IL5RA: variants seen among roughly 807,000 people sequenced by gnomAD.
IL5RA encodes interleukin 5 receptor subunit alpha, also known as interleukin-5 receptor subunit alpha.
Under a neutral mutation model 50.0 loss-of-function variants are expected in IL5RA, and 49 were observed. That is an observed-to-expected ratio of 0.98 (90% CI 0.78 to 1.24). The LOEUF (loss-of-function observed/expected upper bound fraction) is 1.24, where lower values mean the gene tolerates loss of function less well. Ranked by LOEUF, IL5RA falls within the 50% of genes most tolerant of loss-of-function variation. IL5RA has a pLI of 0.00. For synonymous variants in IL5RA, 202 were observed against 174.0 expected (o/e 1.16, Z -1.26); for missense variants, 600 against 500.4 (o/e 1.20, Z -1.90).
Position 3,102,713 on chromosome 3 carries a change from C to T in IL5RA, c.190G>A (p.Glu64Lys), listed in dbSNP as rs1268530280. ...GGAGCGTTTATTTTCACTTGATATT[C>T]TAGATTAACATTCCTTTGCTCTTGA... is the stretch of plus-strand genomic sequence containing the variant. ...PDQEQRNVNLEYQVKINAPKE... is the reference protein window; with the variant it reads ...PDQEQRNVNLKYQVKINAPKE... The change falls in exon 4 of 12, where the codon GAA (glutamate) becomes AAA (lysine). Residue 64 changes from glutamate (E) to lysine (K), a missense_variant. By Grantham distance (56) the Glu-to-Lys change is moderately conservative. Transcript: ENST00000446632. 5.0e-6 allele frequency: 8 copies of T among 1,606,620 alleles called. No homozygotes were observed. Among genetic ancestry groups the T allele is most frequent in the Non-Finnish European group, 6.0e-6 (7 of 1,175,304 alleles).
At chr3:3,097,375 G>C (rs1575001777) in intron 7 of IL5RA, among the ~76,000 whole-genome samples, 1 of 152,068 alleles carries the variant, frequency 6.6e-6, no homozygotes, top group Non-Finnish European at 1.5e-5. Context: ...CTATTCTATA[G>C]GGAAGGGACT....
intron 11 of IL5RA, among the ~76,000 whole-genome samples, chr3:3,071,013 C>A (rs1702279764): frequency 6.6e-6 from 1 of 152,146 alleles, no homozygotes; most frequent in South Asian, 2.1e-4. Flanking sequence ...TACAGTATCC[C>A]CCTAACTTTG....
chr3:3,099,498 A>G (rs1012783363), intron 5 of IL5RA, among the ~76,000 whole-genome samples: 5 of 151,946 alleles, frequency 3.3e-5, no homozygotes, highest in African/African-American at 1.2e-4. Flanking sequence ...GTGTGGCGGC[A>G]TGTGCCTATA....
At chr3:3,099,079 C>T (rs963901407) in intron 5 of IL5RA, among the ~76,000 whole-genome samples, 2 of 152,204 alleles carry the variant, frequency 1.3e-5, no homozygotes, top group Non-Finnish European at 2.9e-5. Flanking sequence ...CCAAATTCTT[C>T]ATGAATTACA....
chr3:3,089,752 A>T (rs780609359), intron 9 of IL5RA, among the ~76,000 whole-genome samples: 10 of 151,876 alleles, frequency 6.6e-5, no homozygotes, highest in Non-Finnish European at 1.5e-4. Flanking sequence ...CCTCCCGAGT[A>T]GCTGGGACTA....
intron 10 of IL5RA, among the ~76,000 whole-genome samples, chr3:3,076,223 T>A (rs1373241999): frequency 1.3e-5 from 2 of 152,106 alleles, no homozygotes; most frequent in African/African-American, 2.4e-5. Context: ...AGTGGAAGAC[T>A]GAGAAGGAAT....
At chr3:3,100,325 A>T (rs1404204703) in intron 5 of IL5RA, among the ~76,000 whole-genome samples, 1 of 151,472 alleles carries the variant, frequency 6.6e-6, no homozygotes, top group South Asian at 2.1e-4. Context: ...GAAGTTAAAG[A>T]TGGATTTCTT....
chr3:3,092,155 A>G lies in IL5RA; in HGVS notation c.994+69T>C. On this transcript the variant is annotated intron_variant, in intron 9 of 11. Transcript: ENST00000446632. This position sits in a 1 kb window ranked among gnomAD's most constrained non-coding sequence, Gnocchi z 4.2. ...TTTTAAGACCCACGAGTGAACGGGT[A>G]CGTTTCTGGGATTACCTTTTTTGAT... is the stretch of plus-strand genomic sequence containing the variant. The G allele has an allele frequency of 6.3e-7, 1 of 1,577,118 alleles. No individual in the cohort carries two copies.
intron 10 of IL5RA, among the ~76,000 whole-genome samples, chr3:3,075,800 C>T (rs1007194700): frequency 6.6e-6 from 1 of 151,938 alleles, no homozygotes; most frequent in African/African-American, 2.4e-5. Flanking sequence ...CGGGGTTTCA[C>T]CACATTAGCC....
intron 7 of IL5RA, among the ~76,000 whole-genome samples, chr3:3,096,572 G>C (rs1236623852): frequency 6.6e-6 from 1 of 152,074 alleles, no homozygotes; most frequent in African/African-American, 2.4e-5. Context: ...CTAGGAATCA[G>C]CCTCAATAAA....
rs1229272761 is a variant in IL5RA at position 3,069,380 on chromosome 3, G to A, written c.*845C>T. On this transcript the variant is annotated 3_prime_UTR_variant, in exon 12 of 12. Coordinates refer to ENST00000446632, the MANE Select transcript of IL5RA (RefSeq NM_175726.4). ...CATTACTTGACCAACAAGTTGTTCT[G>A]AAGTCTTTGGCAGCAAACATCTCTT... 6 of 152,208 alleles carry A rather than the reference G, an allele frequency of 3.9e-5. No homozygotes were observed. 9.4% of individuals were successfully genotyped at this position (152,208 alleles called of 1,614,324 possible). A position where few individuals can be genotyped will look rare whatever the true frequency, so the allele number is the denominator to read the frequency against.
At chr3:3,105,080 C>A in intron 2 of IL5RA, 93 bp from the exon 3 acceptor site, 1 of 776,922 alleles carries the variant, frequency 1.3e-6, no homozygotes, top group Non-Finnish European at 2.2e-6. Context: ...AGTCGTTTGG[C>A]CATTTAACAG....
chr3:3,100,844 C>G (rs1248326464), intron 5 of IL5RA, among the ~76,000 whole-genome samples: 2 of 151,982 alleles, frequency 1.3e-5, no homozygotes, highest in Non-Finnish European at 2.9e-5. Flanking sequence ...GTGGTCTAGA[C>G]AAGTTATAAC....
chr3:3,080,943 A>C (rs1702643804), intron 9 of IL5RA, among the ~76,000 whole-genome samples: 1 of 152,008 alleles, frequency 6.6e-6, no homozygotes, highest in Non-Finnish European at 1.5e-5. Context: ...CAATTCTCCC[A>C]CTTTGGCCTC....
At chr3:3,073,291 A>G (rs924937555) in intron 11 of IL5RA, among the ~76,000 whole-genome samples, 1 of 152,204 alleles carries the variant, frequency 6.6e-6, no homozygotes, top group Non-Finnish European at 1.5e-5. Flanking sequence ...GGTTCATCCA[A>G]TCATGAGTTA....
At position 3,067,549 on chromosome 3, in the gene IL5RA, G is replaced by C. The variant is rs555151302; in HGVS notation, c.*2676C>G. 3.3e-5 allele frequency: 5 copies of C among 152,200 alleles called. No homozygotes were observed. Among genetic ancestry groups the C allele is most frequent in the Non-Finnish European group, 5.9e-5 (4 of 68,040 alleles). The allele number at this position is 152,200 out of a possible 1,614,324, so 9.4% of individuals were successfully genotyped here. On this transcript the variant is annotated 3_prime_UTR_variant, in exon 12 of 12. Coordinates refer to ENST00000446632, the MANE Select transcript of IL5RA (RefSeq NM_175726.4). The stretch of plus-strand genomic sequence containing the variant: ...TTCTACAATGCAGTAGCTCTAACAC[G>C]GGTATGAGGCCCAGAATGAGAATCC...
chr3:3,087,165 A>G (rs1459223326), intron 9 of IL5RA, among the ~76,000 whole-genome samples: 3 of 152,180 alleles, frequency 2.0e-5, no homozygotes, highest in Non-Finnish European at 2.9e-5. Flanking sequence ...CTTAACCACT[A>G]TGCAATTCAT....
rs535541891 is a variant in IL5RA, at chr3:3,105,588, G to A, written c.-3-601C>T. The A allele has an allele frequency of 2.0e-5, 3 of 150,524 alleles. No homozygotes were observed. The South Asian group carries it at 6.4e-4, about 32-fold the overall frequency. 9.3% of individuals were successfully genotyped at this position (150,524 alleles called of 1,614,324 possible). On this transcript the variant is annotated intron_variant, in intron 2 of 11. Transcript: ENST00000446632. Reference sequence around the variant, plus strand: ...CAGAATCAACTTGTGGTACTTTGAAGAGTGTTTTTTTTGTTTGTTTGTTGA... The same window carrying A: ...CAGAATCAACTTGTGGTACTTTGAAAAGTGTTTTTTTTGTTTGTTTGTTGA...
At chr3:3,095,222 A>G in intron 8 of IL5RA, 77 bp downstream of exon 8, 1 of 1,134,310 alleles carries the variant, frequency 8.8e-7, no homozygotes, top group Non-Finnish European at 1.3e-6. Context: ...ACTTGGTTGC[A>G]GTCACTGAAG....
Sources: allele counts gnomAD v4.1 joint callset (sites outside exome capture counted in the v4.1 genomes callset), GRCh38; gene constraint gnomAD v4.1.1; non-coding constraint Gnocchi (gnomAD v3.1); transcripts MANE v1.5; gene names NCBI Gene and HGNC (gene_info 2026-07-23, HGNC 2026-07-21).